The following BBOF1 variants were observed in gnomAD, a reference collection of about 807,000 sequenced individuals.
BBOF1 encodes the protein basal body-orientation factor 1.
Under a neutral mutation model 68.0 loss-of-function variants are expected in BBOF1, and 62 were observed. The ratio of observed to expected loss-of-function variants is 0.91; its 90% CI spans 0.74 to 1.13. The LOEUF (loss-of-function observed/expected upper bound fraction) is 1.13, where lower values mean the gene tolerates loss of function less well. Among genes scored for constraint, BBOF1 ranks in the 50% most tolerant of loss-of-function variants. The probability of loss-of-function intolerance (pLI) is 0.00; values close to 1 mark genes in which losing one functional copy is unlikely to be tolerated. For missense variants in BBOF1, 534 were observed against 600.1 expected (o/e 0.89, Z 1.15); for synonymous variants, 208 against 198.8 (o/e 1.05, Z -0.39).
intron 3 of BBOF1, among the ~76,000 whole-genome samples, chr14:74,033,097 A>G (rs2059614114): frequency 6.6e-6 from 1 of 151,944 alleles, no homozygotes; most frequent in South Asian, 2.1e-4. Flanking sequence ...TAGCCAATTA[A>G]TTTTAACTAG....
chr14:74,059,982 A>G (rs1053796311), intron 11 of BBOF1: 19 of 154,690 alleles, frequency 1.2e-4, no homozygotes, highest in Non-Finnish European at 4.3e-5. Flanking sequence ...TATCTTGTGT[A>G]TTGTGGGATA....
chr14:74,058,640 T>C (rs932711846), intron 11 of BBOF1: 1 of 151,590 alleles, frequency 6.6e-6, no homozygotes. Context: ...ACCCCCATAG[T>C]GTAGGTTAGT....
In BBOF1 at chr14:74,029,199, C is replaced by CA. The variant is rs902555314; in HGVS notation, c.302dup (p.Gln102AlafsTer4). ...TTTTCAACAGATTGAAAAACTGAAA[C>CA]AGCAATTAAATGAAACAAAGGAAAA... is the stretch of plus-strand genomic sequence containing the variant. On this transcript the variant is annotated frameshift_variant, in exon 3 of 12. Coordinates refer to ENST00000394009, the MANE Select transcript of BBOF1 (RefSeq NM_025057.3). LOFTEE classifies it high-confidence loss of function. The CA allele has an allele frequency of 9.0e-6, 14 of 1,559,580 alleles. No homozygotes were observed. Among genetic ancestry groups the CA allele is most frequent in the Middle Eastern group, 3.3e-4 (2 of 6,010 alleles).
At chr14:74,072,195 TTTCATAC>T (rs768222023) in intron 9 of BBOF1, 1 of 1,614,180 alleles carries the variant, frequency 6.2e-7, no homozygotes, top group South Asian at 1.1e-5. Flanking sequence ...ACCATTTAGA[TTTCATAC>T]CAAGTTTTCT....
At chr14:74,053,085 A>G (rs1339883691) in intron 8 of BBOF1, among the ~76,000 whole-genome samples, 4 of 152,010 alleles carry the variant, frequency 2.6e-5, no homozygotes, top group African/African-American at 7.2e-5. Context: ...TATGGTAATC[A>G]TAAGACAAAA....
intron 10 of BBOF1, chr14:74,078,466 G>GC (rs1566837180): frequency 7.6e-6 from 2 of 263,784 alleles, no homozygotes; most frequent in African/African-American, 2.3e-5. Context: ...CCATCTTCCT[G>GC]CCTCAGCCTC....
Position 74,065,484 on chromosome 14 carries a change from T to C in BBOF1, c.*785T>C. ...GACAACTTTCATATTACTAATCTCT[T>C]TTCATTTCAAATCACCTATTTAAAA... On this transcript the variant is annotated 3_prime_UTR_variant, in exon 12 of 12. Transcript: ENST00000394009. The C allele has an allele frequency of 2.2e-6, 2 of 905,656 alleles. No individual in the cohort carries two copies. Among genetic ancestry groups the C allele is most frequent in the Admixed American group, 4.3e-5 (2 of 46,736 alleles). 56.1% of individuals were successfully genotyped at this position (905,656 alleles called of 1,614,324 possible). A position where few individuals can be genotyped will look rare whatever the true frequency, so the allele number is the denominator to read the frequency against.
intron 8 of BBOF1, among the ~76,000 whole-genome samples, chr14:74,054,596 C>A (rs547213644): frequency 4.7e-5 from 7 of 149,004 alleles, no homozygotes; most frequent in African/African-American, 1.7e-4. Flanking sequence ...TCAGGCTGAT[C>A]TCGAACTCCT....
intron 10 of BBOF1, among the ~76,000 whole-genome samples, chr14:74,080,614 A>AT (rs967873939): frequency 7.9e-5 from 12 of 151,450 alleles, no homozygotes; most frequent in African/African-American, 1.7e-4. Flanking sequence ...ATTAAAAAAA[A>AT]TTTTTTTTTG....
At chr14:74,020,551 C>T (rs945374868) in intron 1 of BBOF1, among the ~76,000 whole-genome samples, 1 of 151,912 alleles carries the variant, frequency 6.6e-6, no homozygotes, top group Admixed American at 6.6e-5. Context: ...TTGCCCAAGC[C>T]GGAGTGCAAT....
At chr14:74,061,956 T>C (rs2139735448) in intron 11 of BBOF1, among the ~76,000 whole-genome samples, 1 of 147,504 alleles carries the variant, frequency 6.8e-6, no homozygotes, top group African/African-American at 2.5e-5. Context: ...ACACTTGTAA[T>C]ATCAGCACTT....
rs2059987543 is a variant in BBOF1 at position 74,047,947 on chromosome 14, GA to G, written c.667del (p.Arg223GlufsTer18). ...HEAIVQLNDA[G>X]RNVFKENDYL... ...TATTTCAGGCAATTGAACGATGCTG[GA>G]AGAAATGTTTTTAAAGAGAATGATT... On this transcript the variant is annotated frameshift_variant, in exon 7 of 12. Coordinates refer to ENST00000394009, the MANE Select transcript of BBOF1 (RefSeq NM_025057.3). LOFTEE classifies it high-confidence loss of function. The G allele has an allele frequency of 6.2e-7, 1 of 1,608,480 alleles. No homozygotes were observed. The highest frequency in any genetic ancestry group is 1.7e-5 in the Admixed American group (1 of 58,812).
chr14:74,071,464 A>AG, intron 9 of BBOF1: 1 of 1,614,086 alleles, frequency 6.2e-7, no homozygotes, highest in East Asian at 2.2e-5. Flanking sequence ...TCCCATCATG[A>AG]GGGATGTCAC....
chr14:74,045,996 C>A lies in BBOF1; in HGVS notation c.577-64C>A, dbSNP rs374031095. ...TTATTTGACATTCTAAAATAAATAT[C>A]TTTTGATGAGTAAAATTTGTTGTTA... On this transcript the variant is annotated intron_variant, in intron 5 of 11. Transcript: ENST00000394009. The A allele has an allele frequency of 1.8e-4, 262 of 1,417,722 alleles. 1 individual carries two copies. In the African/African-American group the frequency reaches 3.1e-3, roughly 17 times the overall value. The allele number at this position is 1,417,722 out of a possible 1,614,324, so 87.8% of individuals were successfully genotyped here. A position where few individuals can be genotyped will look rare whatever the true frequency, so the allele number is the denominator to read the frequency against.
In BBOF1 at chr14:74,065,760, A is replaced by C; in HGVS notation, c.*1061A>C. The C allele has an allele frequency of 9.7e-6, 2 of 205,698 alleles. No individual in the cohort carries two copies. The highest frequency in any genetic ancestry group is 2.0e-5 in the Non-Finnish European group (2 of 99,910). 12.7% of individuals were successfully genotyped at this position (205,698 alleles called of 1,614,324 possible). ...CAGGATAATTTTTCTCTTTACAGAA[A>C]CCCCATGCTGTTTTCTGTAACATAA... On this transcript the variant is annotated 3_prime_UTR_variant, in exon 12 of 12. Coordinates refer to ENST00000394009, the MANE Select transcript of BBOF1 (RefSeq NM_025057.3).
intron 3 of BBOF1, among the ~76,000 whole-genome samples, chr14:74,032,719 C>T (rs1198290698): frequency 1.3e-5 from 2 of 151,504 alleles, no homozygotes; most frequent in Admixed American, 1.3e-4. Context: ...GTCTTGAACT[C>T]CTGACCTCGT....
chr14:74,066,278 G>T (rs972641190), downstream of BBOF1, among the ~76,000 whole-genome samples: 2 of 151,936 alleles, frequency 1.3e-5, no homozygotes, highest in Non-Finnish European at 2.9e-5. Context: ...TTTTTGTACA[G>T]CCCCAAGTTA....
chr14:74,079,348 G>C (rs926464218), intron 10 of BBOF1, among the ~76,000 whole-genome samples: 2 of 151,836 alleles, frequency 1.3e-5, no homozygotes, highest in African/African-American at 4.8e-5. Context: ...CCGGGTTCAG[G>C]CGATTCTCCT....
At chr14:74,066,282 C>A (rs529689153), downstream of BBOF1, among the ~76,000 whole-genome samples, 1 of 151,998 alleles carries the variant, frequency 6.6e-6, no homozygotes, top group African/African-American at 2.4e-5. Context: ...TGTACAGCCC[C>A]AAGTTAAAAA....
Sources: allele counts gnomAD v4.1 joint callset (sites outside exome capture counted in the v4.1 genomes callset), GRCh38; gene constraint gnomAD v4.1.1; transcripts MANE v1.5; gene names NCBI Gene and HGNC (gene_info 2026-07-23, HGNC 2026-07-21).